Variants in NELFA observed in about 807,000 individuals in gnomAD.
The protein encoded by NELFA is negative elongation factor complex member A.
Under a neutral mutation model 51.8 loss-of-function variants are expected in NELFA, and 35 were observed. That is an observed-to-expected ratio of 0.68 (90% confidence interval 0.52 to 0.90). NELFA has a LOEUF of 0.90. NELFA is among the 40% of genes least tolerant of loss of function. NELFA has a pLI of 0.00. For missense variants in NELFA, 658 were observed against 746.4 expected (o/e 0.88, Z 1.38); for synonymous variants, 417 against 338.4 (o/e 1.23, Z -2.55).
chr4:1,987,749 G>A, intron 4 of NELFA, 169 bp downstream of exon 4: 1 of 595,592 alleles, frequency 1.7e-6, no homozygotes, highest in Non-Finnish European at 2.9e-6. Flanking sequence ...TCCCCAAGGG[G>A]AGAAGCCGGT....
chr4:1,986,588 G>A lies in NELFA; in HGVS notation c.635-186C>T, dbSNP rs559697648. ...GGAGCAGGGGAACGCCTGGAGCCAC[G>A]ACCTCACACTTTGCCAAGACACCAA... On this transcript the variant is annotated intron_variant, in intron 4 of 10. Transcript: ENST00000382882. 2.5e-5 allele frequency: 21 copies of A among 845,866 alleles called. No individual in the cohort carries two copies. The East Asian group carries it at 2.5e-4, about 10-fold the overall frequency. 52.4% of individuals were successfully genotyped at this position (845,866 alleles called of 1,614,324 possible). A position where few individuals can be genotyped will look rare whatever the true frequency, so the allele number is the denominator to read the frequency against.
At chr4:1,990,511 G>A (rs1465701348) in intron 2 of NELFA, 7 of 456,576 alleles carry the variant, frequency 1.5e-5, no homozygotes, top group African/African-American at 1.2e-4. Context: ...GTGGGGTGGG[G>A]TGGACCTGTC....
chr4:2,000,046 C>T (rs1300775088), intron 1 of NELFA, among the ~76,000 whole-genome samples: 1 of 152,132 alleles, frequency 6.6e-6, no homozygotes, highest in Non-Finnish European at 1.5e-5. Context: ...GAAATTAAGG[C>T]AGAAATCAAG....
At chr4:2,007,173 C>T in intron 1 of NELFA, 1 of 418,042 alleles carries the variant, frequency 2.4e-6, no homozygotes, top group Admixed American at 2.5e-5. Context: ...TGCCACTGCA[C>T]TCCAGCCTGG....
intron 1 of NELFA, among the ~76,000 whole-genome samples, chr4:1,993,520 G>A (rs1032302697): frequency 1.1e-4 from 17 of 150,824 alleles, no homozygotes; most frequent in Non-Finnish European, 2.1e-4. Flanking sequence ...CGGAGGTTGC[G>A]TGAGCTGAGA....
In NELFA at chr4:1,983,466, G is replaced by T. The variant is rs1727961362; in HGVS notation, c.1440C>A (p.Ile480=). ...GGTCCTCCGTGTGCTCGCTCAGCTT[G>T]ATCTGGATCACGTCCCCCTGCTCCT... is the stretch of plus-strand genomic sequence containing the variant. ...PCQEQGDVIQ[I]KLSEHTEDLP... Residue 480 remains isoleucine (I), a synonymous_variant, in exon 11 of 11, where the codon ATC becomes ATA. Transcript: ENST00000382882. 6 of 1,614,046 alleles carry T rather than the reference G, an allele frequency of 3.7e-6. No individual in the cohort carries two copies. The highest frequency in any genetic ancestry group is 5.1e-6 in the Non-Finnish European group (6 of 1,180,046).
At chr4:2,006,675 G>A (rs1455897184) in intron 1 of NELFA, among the ~76,000 whole-genome samples, 2 of 151,324 alleles carry the variant, frequency 1.3e-5, no homozygotes, top group Non-Finnish European at 2.9e-5. Flanking sequence ...AGGTTTAGGA[G>A]GGAGGACTGC....
At chr4:1,986,591 C>A in intron 4 of NELFA, 189 bp from the exon 5 acceptor site, 2 of 832,308 alleles carry the variant, frequency 2.4e-6, no homozygotes, top group Non-Finnish European at 1.8e-6. Context: ...GAGCCACGAC[C>A]TCACACTTTG....
At chr4:1,987,824 A>T in intron 4 of NELFA, 94 bp downstream of exon 4, 1 of 1,071,886 alleles carries the variant, frequency 9.3e-7, no homozygotes, top group Non-Finnish European at 1.3e-6. Flanking sequence ...GACCATTCAC[A>T]GGCACCACCT....
chr4:1,988,014 G>T lies in NELFA; in HGVS notation c.545-7C>A. 1 of 1,608,294 alleles carries T rather than the reference G, an allele frequency of 6.2e-7. No individual in the cohort carries two copies. On this transcript the variant is annotated splice_polypyrimidine_tract_variant and splice_region_variant and intron_variant, in intron 3 of 10. Transcript: ENST00000382882. The stretch of plus-strand genomic sequence containing the variant: ...TGCTGGGCGGTCTCCGTGGCTGGAA[G>T]GAAGAGGTCACATATGTCAGGGATC...
intron 1 of NELFA, among the ~76,000 whole-genome samples, chr4:1,999,180 G>C (rs1433819197): frequency 6.6e-6 from 1 of 151,104 alleles, no homozygotes; most frequent in African/African-American, 2.4e-5. Context: ...ACCAGTACGA[G>C]CCACTGAAAA....
intron 1 of NELFA, chr4:2,007,982 G>A (rs893178598): frequency 1.1e-5 from 5 of 456,914 alleles, no homozygotes; most frequent in African/African-American, 1.0e-4. Flanking sequence ...CCACTTATTG[G>A]AATGACGCAA....
chr4:1,991,291 G>C (rs918146793), intron 2 of NELFA, among the ~76,000 whole-genome samples: 6 of 152,180 alleles, frequency 3.9e-5, no homozygotes, highest in African/African-American at 1.4e-4. Flanking sequence ...ACGGCGAGTG[G>C]CGTGACACAG....
chr4:2,001,949 C>T (rs1020670552), intron 1 of NELFA, among the ~76,000 whole-genome samples: 4 of 150,326 alleles, frequency 2.7e-5, no homozygotes, highest in Non-Finnish European at 4.4e-5. Flanking sequence ...GCCTGTAATC[C>T]TAGCACTTTG....
intron 1 of NELFA, among the ~76,000 whole-genome samples, chr4:2,004,490 A>G (rs1279075221): frequency 6.6e-6 from 1 of 152,060 alleles, no homozygotes; most frequent in Non-Finnish European, 1.5e-5. Context: ...ACATAAAATA[A>G]TATCTTTTTT....
chr4:2,000,828 G>A (rs1404633943), intron 1 of NELFA, among the ~76,000 whole-genome samples: 1 of 152,050 alleles, frequency 6.6e-6, no homozygotes, highest in Non-Finnish European at 1.5e-5. Flanking sequence ...ACCAAAACTG[G>A]GAAGAGACAA....
intron 1 of NELFA, chr4:1,991,994 A>ACG: frequency 2.7e-6 from 1 of 366,890 alleles, no homozygotes; most frequent in South Asian, 4.1e-5. Flanking sequence ...CACTGGGCCT[A>ACG]CTCTTCCACC....
At chr4:1,983,767 G>A (rs774546662) in intron 9 of NELFA, 72 bp from the exon 10 acceptor site, 150 of 1,598,812 alleles carry the variant, frequency 9.4e-5, no homozygotes, top group Non-Finnish European at 1.2e-4. Flanking sequence ...TGCAGGCACC[G>A]TGGCACCCCC....
intron 1 of NELFA, among the ~76,000 whole-genome samples, chr4:1,995,273 G>GTGTGTGCATGTA (rs1463612755): frequency 6.6e-6 from 1 of 152,218 alleles, no homozygotes; most frequent in Admixed American, 6.5e-5. Flanking sequence ...CTCTCCTGGT[G>GTGTGTGCATGTA]TGTGTGCATG....
Sources: gnomAD v4.1 joint callset for allele counts (sites outside exome capture counted in the v4.1 genomes callset) on GRCh38, gnomAD v4.1.1 for gene constraint, MANE v1.5 for transcripts, NCBI Gene and HGNC (gene_info 2026-07-23, HGNC 2026-07-21) for gene names.